Variants in ENTPD8 observed in about 807,000 individuals in gnomAD.
ENTPD8 encodes the protein ectonucleoside triphosphate diphosphohydrolase 8.
A neutral mutation model predicts 47.0 loss-of-function variants in ENTPD8; 35 were observed. The observed-to-expected ratio is 0.75, with a 90% CI of 0.57 to 0.99. The LOEUF (loss-of-function observed/expected upper bound fraction) is 0.99. ENTPD8 is among the 50% of genes least tolerant of loss of function. ENTPD8 has a pLI of 0.00. For missense variants in ENTPD8, 668 were observed against 649.9 expected (o/e 1.03, Z -0.30); for synonymous variants, 308 against 290.5 (o/e 1.06, Z -0.61).
Position 137,436,773 on chromosome 9 carries a change from C to T in ENTPD8, c.556-22G>A, listed in dbSNP as rs752999322. ...AGTACTGGGCACAGAAGGGGCCACT[C>T]AGCTGGGAGCAGCCACCCGGACCCC... On this transcript the variant is annotated intron_variant, in intron 5 of 9. Coordinates refer to ENST00000371506, the MANE Select transcript of ENTPD8 (RefSeq NM_001033113.2). The T allele has an allele frequency of 1.1e-5, 18 of 1,602,078 alleles. 1 individual carries two copies. The highest frequency in any genetic ancestry group is 3.3e-4 in the Middle Eastern group (2 of 6,064).
rs187052542 is a variant in ENTPD8 at position 137,435,658 on chromosome 9, C to A, written c.1161+61G>T. ...CAGAATGAGGCTCCAGCATCCTGCC[C>A]GAGGCAGCCCTGTACCCTCAGGGAC... On this transcript the variant is annotated intron_variant, in intron 8 of 9. Coordinates refer to ENST00000371506, the MANE Select transcript of ENTPD8 (RefSeq NM_001033113.2). The A allele has an allele frequency of 4.7e-6, 7 of 1,486,862 alleles. No homozygotes were observed. In the African/African-American group the frequency reaches 8.3e-5, roughly 18 times the overall value. The allele number at this position is 1,486,862 out of a possible 1,614,324, so 92.1% of individuals were successfully genotyped here. A position where few individuals can be genotyped will look rare whatever the true frequency, so the allele number is the denominator to read the frequency against.
chr9:137,436,016 G>C lies in ENTPD8; in HGVS notation c.1047C>G (p.Phe349Leu), dbSNP rs778280388. ...GVYQPPLRGQ[F>L]YAFSNFYYTF... Reference sequence around the variant, plus strand: ...TGGGGGCAGTGTAGGTGCTCACATAGAACTGGCCCCGCAGCGGGGGCTGGT... The same window carrying C: ...TGGGGGCAGTGTAGGTGCTCACATACAACTGGCCCCGCAGCGGGGGCTGGT... The change falls in exon 7 of 10, where the codon TTC becomes TTG. Residue 349 changes from phenylalanine (F) to leucine (L), a missense_variant. Phe to Leu is a conservative substitution (Grantham distance 22, BLOSUM62 0). Coordinates refer to ENST00000371506, the MANE Select transcript of ENTPD8 (RefSeq NM_001033113.2). The C allele has an allele frequency of 4.3e-6, 7 of 1,612,606 alleles. No individual in the cohort carries two copies. The South Asian group carries it at 7.7e-5, about 18-fold the overall frequency.
In ENTPD8 at chr9:137,438,443, C is replaced by T; in HGVS notation, c.-20-138G>A. ...TTGCCTTAGAGGCATCTCCGGGGCT[C>T]AGACGCCTCCCGTGGCCATAGAGGC... On this transcript the variant is annotated intron_variant, in intron 1 of 9. Transcript: ENST00000371506. The surrounding 1 kb of genome is among the most constrained non-coding windows in gnomAD (Gnocchi z 5.7). The T allele has an allele frequency of 5.1e-6, 5 of 980,748 alleles. No individual in the cohort carries two copies. The South Asian group carries it at 9.6e-5, about 19-fold the overall frequency. The allele number at this position is 980,748 out of a possible 1,614,324, so 60.8% of individuals were successfully genotyped here. A position where few individuals can be genotyped will look rare whatever the true frequency, so the allele number is the denominator to read the frequency against.
rs1839293913 is a variant in ENTPD8, at chr9:137,434,888, T to C, written c.*26A>G. Reference sequence around the variant, plus strand: ...CCGGGACGCAGCTGCCTGTGGGCTCTGTGGGGGCCCACCTCCGCCTTCCCA... The same window carrying C: ...CCGGGACGCAGCTGCCTGTGGGCTCCGTGGGGGCCCACCTCCGCCTTCCCA... On this transcript the variant is annotated 3_prime_UTR_variant, in exon 10 of 10. Coordinates refer to ENST00000371506, the MANE Select transcript of ENTPD8 (RefSeq NM_001033113.2). The C allele has an allele frequency of 6.3e-7, 1 of 1,582,820 alleles. No individual in the cohort carries two copies. Among genetic ancestry groups the C allele is most frequent in the African/African-American group, 1.3e-5 (1 of 74,474 alleles).
At position 137,435,257 on chromosome 9, in the gene ENTPD8, C is replaced by G; in HGVS notation, c.1243G>C (p.Glu415Gln). ...SGLYILTLLH[E>Q]GYGFSEETWP... ...GTCTCCTCGCTGAACCCGTAGCCCT[C>G]GTGCAGGAGGGTGAGGATGTACAGG... Residue 415 changes from glutamate (E) to glutamine (Q), a missense_variant, in exon 9 of 10, where the codon GAG becomes CAG. Physicochemically the swap from Glu to Gln is conservative, Grantham distance 29. Coordinates refer to ENST00000371506, the MANE Select transcript of ENTPD8 (RefSeq NM_001033113.2). The G allele has an allele frequency of 6.2e-7, 1 of 1,612,466 alleles. No individual in the cohort carries two copies. Among genetic ancestry groups the G allele is most frequent in the Non-Finnish European group, 8.5e-7 (1 of 1,179,884 alleles).
chr9:137,436,442 G>GT, intron 6 of ENTPD8, 79 bp downstream of exon 6: 1 of 1,391,218 alleles, frequency 7.2e-7, no homozygotes, highest in Non-Finnish European at 9.8e-7. Context: ...CCCCTCCCCG[G>GT]GGCCGGATGA....
Position 137,434,913 on chromosome 9 carries a change from A to G in ENTPD8, c.*1T>C. The G allele has an allele frequency of 6.2e-7, 1 of 1,607,404 alleles. No homozygotes were observed. Among genetic ancestry groups the G allele is most frequent in the Non-Finnish European group, 8.5e-7 (1 of 1,177,066 alleles). On this transcript the variant is annotated 3_prime_UTR_variant, in exon 10 of 10. Transcript: ENST00000371506. Reference sequence around the variant, plus strand: ...TGTGGGGGCCCACCTCCGCCTTCCCACTAGTCCTGCAACCAGAAGAGCTGG... The same window carrying G: ...TGTGGGGGCCCACCTCCGCCTTCCCGCTAGTCCTGCAACCAGAAGAGCTGG...
At chr9:137,436,407 C>T in intron 6 of ENTPD8, 114 bp downstream of exon 6, 9 of 1,343,096 alleles carry the variant, frequency 6.7e-6, no homozygotes, top group African/African-American at 1.4e-5. Flanking sequence ...ATGACCCACG[C>T]CAGCCCCGCG....
intron 1 of ENTPD8, among the ~76,000 whole-genome samples, chr9:137,439,212 G>A (rs560709095): frequency 2.0e-4 from 31 of 152,294 alleles, no homozygotes; most frequent in African/African-American, 7.5e-4. Flanking sequence ...GGTGGACCCA[G>A]GGATGCCATC....
chr9:137,435,267 G>A lies in ENTPD8; in HGVS notation c.1233C>T (p.Thr411=), dbSNP rs754819736. ...DYCASGLYIL[T]LLHEGYGFSE... is the part of the protein sequence containing the mutation. Reference sequence around the variant, plus strand: ...TGAACCCGTAGCCCTCGTGCAGGAGGGTGAGGATGTACAGGCCTGAGGCAC... The same window carrying A: ...TGAACCCGTAGCCCTCGTGCAGGAGAGTGAGGATGTACAGGCCTGAGGCAC... The change falls in exon 9 of 10, where the codon ACC becomes ACT. Residue 411 remains threonine, a synonymous_variant. Transcript: ENST00000371506. 9.3e-6 allele frequency: 15 copies of A among 1,612,466 alleles called. No individual in the cohort carries two copies. In the South Asian group the frequency reaches 1.1e-4, roughly 12 times the overall value.
At chr9:137,440,045 A>AG (rs1839479334) in intron 1 of ENTPD8, among the ~76,000 whole-genome samples, 2 of 19,346 alleles carry the variant, frequency 1.0e-4, no homozygotes, top group African/African-American at 5.2e-4. Flanking sequence ...AGACCAGGAC[A>AG]CCCCCTCAGA....
Position 137,438,046 on chromosome 9 carries a change from G to A in ENTPD8, c.165C>T (p.Ser55=). 6.2e-7 allele frequency: 1 copy of A among 1,613,028 alleles called. No homozygotes were observed. Among genetic ancestry groups the A allele is most frequent in the South Asian group, 1.1e-5 (1 of 91,078 alleles). The change falls in exon 3 of 10, where the codon TCC becomes TCT. Residue 55 remains serine, a synonymous_variant. Transcript: ENST00000371506. The surrounding 1 kb of genome is among the most constrained non-coding windows in gnomAD (Gnocchi z 5.7). ...IVFDAGSSHT[S]LFLYQWLANK... is the part of the protein sequence containing the mutation. ...TCGCCAGCCACTGATACAGGAAGAG[G>A]GACGTGTGGGAGGAGCCCGCATCAA... is the stretch of plus-strand genomic sequence containing the variant.
At chr9:137,437,355 T>C (rs1362919056) in intron 3 of ENTPD8, 46 bp from the exon 4 acceptor site, 1 of 1,576,966 alleles carries the variant, frequency 6.3e-7, no homozygotes, top group Non-Finnish European at 8.6e-7. Flanking sequence ...GCAGGCTGGC[T>C]GGGCTGAAAG....
At chr9:137,435,437 C>A in intron 8 of ENTPD8, 99 bp from the exon 9 acceptor site, 3 of 1,499,026 alleles carry the variant, frequency 2.0e-6, no homozygotes, top group Admixed American at 2.2e-5. Flanking sequence ...ACGCAGACAA[C>A]AAGAGGGTGC....
At chr9:137,437,757 G>A (rs913424721) in intron 3 of ENTPD8, among the ~76,000 whole-genome samples, 2 of 152,218 alleles carry the variant, frequency 1.3e-5, no homozygotes, top group Admixed American at 6.5e-5. Context: ...ACCCAGGCCA[G>A]GCCATGAGAA....
chr9:137,439,429 G>A (rs373935766), intron 1 of ENTPD8, among the ~76,000 whole-genome samples: 7 of 152,154 alleles, frequency 4.6e-5, no homozygotes, highest in East Asian at 1.9e-4. Flanking sequence ...CCATGTGACC[G>A]TGTCCTATCG....
intron 1 of ENTPD8, among the ~76,000 whole-genome samples, chr9:137,439,272 C>T (rs998814248): frequency 1.3e-5 from 2 of 152,168 alleles, no homozygotes; most frequent in South Asian, 2.1e-4. Flanking sequence ...CCACCTCCTC[C>T]TCTGCCCAAA....
rs530656986 is a variant in ENTPD8, at chr9:137,440,216, C to A, written c.-21+1070G>T. Among the ~76,000 whole-genome samples, 299 of 78,920 alleles carry A rather than the reference C, an allele frequency of 3.8e-3. 1 individual carries two copies. Among genetic ancestry groups the A allele is most frequent in the Non-Finnish European group, 4.5e-3 (175 of 38,996 alleles). 51.8% of individuals were successfully genotyped at this position (78,920 alleles called of 152,430 possible). On this transcript the variant is annotated intron_variant, in intron 1 of 9. Coordinates refer to ENST00000371506, the MANE Select transcript of ENTPD8 (RefSeq NM_001033113.2). Reference sequence around the variant, plus strand: ...GTCCCTGAGACCAGGACAGCCCCCCCAGACCAGGACACCCCCTCACACAGA... The same window carrying A: ...GTCCCTGAGACCAGGACAGCCCCCCAAGACCAGGACACCCCCTCACACAGA...
intron 1 of ENTPD8, among the ~76,000 whole-genome samples, chr9:137,439,609 G>A (rs1389536290): frequency 6.6e-6 from 1 of 152,014 alleles, no homozygotes; most frequent in Non-Finnish European, 1.5e-5. Context: ...GATGACAGAG[G>A]CTCAGAGAGG....
Sources: allele counts gnomAD v4.1 joint callset (sites outside exome capture counted in the v4.1 genomes callset), GRCh38; gene constraint gnomAD v4.1.1; non-coding constraint Gnocchi (gnomAD v3.1); transcripts MANE v1.5; gene names NCBI Gene and HGNC (gene_info 2026-07-23, HGNC 2026-07-21).